Variants in ZEB1 observed in about 807,000 individuals in gnomAD.
ZEB1 encodes zinc finger E-box binding homeobox 1, also known as zinc finger E-box-binding homeobox 1.
In ZEB1, 21 loss-of-function variants were observed where a neutral mutation model predicts 84.9. The observed-to-expected ratio is 0.25, with a 90% CI of 0.18 to 0.36. The LOEUF (loss-of-function observed/expected upper bound fraction) is 0.36, where lower values mean the gene tolerates loss of function less well. Among genes scored for constraint, ZEB1 ranks in the 10% least tolerant of loss-of-function variants. The pLI is 1.00. For synonymous variants in ZEB1, 420 were observed against 471.1 expected (o/e 0.89, Z 1.41); for missense variants, 1,104 against 1,330.2 (o/e 0.83, Z 2.65).
chr10:31,387,747 C>T, intron 1 of ZEB1: 4 of 985,012 alleles, frequency 4.1e-6, no homozygotes, highest in Non-Finnish European at 4.8e-6. Context: ...ATTTTGTATT[C>T]TGTATTACAC....
rs1265978481 is a variant in ZEB1 at position 31,469,999 on chromosome 10, G to GGTCCTGTCT, written c.259+8765_259+8773dup. ...GTACTCCAACAGACCTACAGCTGAG[G>GGTCCTGTCT]GTCCTGTCTGTTAGAAGGAAAACTA... On this transcript the variant is annotated intron_variant, in intron 2 of 8. Coordinates refer to ENST00000424869, the MANE Select transcript of ZEB1 (RefSeq NM_001174096.2). Among the ~76,000 whole-genome samples the GGTCCTGTCT allele has an allele frequency of 9.9e-5, 15 of 152,142 alleles. No individual in the cohort carries two copies. The South Asian group carries it at 3.1e-3, about 32-fold the overall frequency.
chr10:31,447,399 A>G (rs1230753404), intron 1 of ZEB1, among the ~76,000 whole-genome samples: 3 of 127,862 alleles, frequency 2.3e-5, no homozygotes. Context: ...TAATTGGAGA[A>G]TTTAGTCCAT....
At chr10:31,453,310 C>G (rs760517664) in intron 1 of ZEB1, among the ~76,000 whole-genome samples, 1 of 152,156 alleles carries the variant, frequency 6.6e-6, no homozygotes, top group African/African-American at 2.4e-5. Context: ...CAAAGTTAAT[C>G]TTTTCCATCT....
chr10:31,510,125 T>C (rs1003885796), intron 4 of ZEB1, among the ~76,000 whole-genome samples: 3 of 152,166 alleles, frequency 2.0e-5, no homozygotes, highest in Non-Finnish European at 4.4e-5. Context: ...CTCAGTCCTA[T>C]GGCCACACCT....
At chr10:31,490,835 G>A (rs1050562185) in intron 2 of ZEB1, among the ~76,000 whole-genome samples, 2 of 151,630 alleles carry the variant, frequency 1.3e-5, no homozygotes, top group African/African-American at 2.4e-5. Flanking sequence ...AAATCCTATC[G>A]AGAATTTTGA....
Position 31,514,613 on chromosome 10 carries a change from C to T in ZEB1, c.698C>T (p.Thr233Met), listed in dbSNP as rs370082712. The T allele has an allele frequency of 8.2e-5, 132 of 1,612,282 alleles. 1 individual carries two copies. In the South Asian group the frequency reaches 9.2e-4, roughly 11 times the overall value. The change falls in exon 6 of 9, where the codon ACG becomes ATG. Residue 233 changes from threonine to methionine, a missense_variant. Physicochemically the swap from Thr to Met is moderately conservative, Grantham distance 81. This residue lies in a region of ZEB1 where 71 missense variants were observed against 119.1 expected (regional missense o/e 0.60). Coordinates refer to ENST00000424869, the MANE Select transcript of ZEB1 (RefSeq NM_001174096.2). ...GTTCTTTTCTTACAGAGACATGTGACGCAGTCTGGGTGTAATCGTAAATTC... is the reference window on the plus strand; with the variant it reads ...GTTCTTTTCTTACAGAGACATGTGATGCAGTCTGGGTGTAATCGTAAATTC... ...HKSGRDQRHV[T>M]QSGCNRKFKC...
At chr10:31,402,369 G>A (rs1339686641) in intron 1 of ZEB1, among the ~76,000 whole-genome samples, 2 of 151,860 alleles carry the variant, frequency 1.3e-5, no homozygotes, top group East Asian at 3.9e-4. Flanking sequence ...CTAAAGAATA[G>A]CGATCCTAGA....
chr10:31,452,258 A>T (rs1236543919), intron 1 of ZEB1, among the ~76,000 whole-genome samples: 1 of 152,102 alleles, frequency 6.6e-6, no homozygotes, highest in Non-Finnish European at 1.5e-5. Flanking sequence ...TTAAATTAAA[A>T]TTAGATAATA....
chr10:31,439,579 GC>G (rs1378695133), intron 1 of ZEB1, among the ~76,000 whole-genome samples: 2 of 151,986 alleles, frequency 1.3e-5, no homozygotes, highest in East Asian at 3.9e-4. Context: ...AATGGAACTT[GC>G]ATTGTAGTGT....
chr10:31,452,519 T>C (rs983507909), intron 1 of ZEB1, among the ~76,000 whole-genome samples: 1 of 152,140 alleles, frequency 6.6e-6, no homozygotes, highest in Non-Finnish European at 1.5e-5. Context: ...TGTACCTGTT[T>C]GCCTGGTCTG....
At chr10:31,373,068 G>A in intron 1 of ZEB1, 1 of 985,438 alleles carries the variant, frequency 1.0e-6, no homozygotes, top group Non-Finnish European at 1.2e-6. Flanking sequence ...CCCATCTGAA[G>A]ACATGATCAT....
intron 1 of ZEB1, among the ~76,000 whole-genome samples, chr10:31,379,234 G>C (rs2047208496): frequency 6.6e-6 from 1 of 152,022 alleles, no homozygotes; most frequent in Non-Finnish European, 1.5e-5. Flanking sequence ...GCATGCTTTT[G>C]TTGAGAAATG....
At chr10:31,410,273 G>A (rs556953631) in intron 1 of ZEB1, among the ~76,000 whole-genome samples, 5 of 152,204 alleles carry the variant, frequency 3.3e-5, no homozygotes, top group East Asian at 3.9e-4. Context: ...TAATTATGTC[G>A]TTTTTGTCAT....
chr10:31,432,586 G>A (rs901801205), intron 1 of ZEB1, among the ~76,000 whole-genome samples: 2 of 152,054 alleles, frequency 1.3e-5, no homozygotes, highest in East Asian at 3.9e-4. Flanking sequence ...GCAATACCCT[G>A]TCTCAATTTT....
At position 31,337,280 on chromosome 10, in the gene ZEB1, T is replaced by A. The variant is rs190367915; in HGVS notation, c.58+17988T>A. 1.5e-3 allele frequency among the ~76,000 whole-genome samples: 232 copies of A among 152,176 alleles called. 4 individuals carry two copies. The highest frequency in any genetic ancestry group is 1.3e-4 in the Non-Finnish European group (9 of 67,986). On this transcript the variant is annotated intron_variant, in intron 1 of 8. Transcript: ENST00000424869. ...AGGATACCAATACACATAATACAAG[T>A]CTATGATAAACATAAAATTTAGGAA...
chr10:31,524,820 A>G (rs2073108354), intron 8 of ZEB1, among the ~76,000 whole-genome samples: 1 of 152,202 alleles, frequency 6.6e-6, no homozygotes, highest in South Asian at 2.1e-4. Flanking sequence ...CTTCATAAGC[A>G]TGCGGCAAGC....
chr10:31,503,670 A>G (rs1327449485), intron 4 of ZEB1, among the ~76,000 whole-genome samples: 1 of 151,772 alleles, frequency 6.6e-6, no homozygotes, highest in East Asian at 1.9e-4. Flanking sequence ...GGCTGTCCTA[A>G]TTTTCATTCC....
chr10:31,520,296 G>A lies in ZEB1; in HGVS notation c.964G>A (p.Gly322Ser). Residue 322 changes from glycine (G) to serine (S), a missense_variant, in exon 7 of 9, where the codon GGC (glycine) becomes AGC (serine). Around this residue, in one of 7 missense-constraint regions of ZEB1, gnomAD observed 111 missense variants for 161.8 expected, o/e 0.69. Transcript: ENST00000424869. This position sits in a 1 kb window ranked among gnomAD's most constrained non-coding sequence, Gnocchi z 5.1. ...CSSPSLSASPGSPTRPQIRQK... is the reference protein window; with the variant it reads ...CSSPSLSASPSSPTRPQIRQK... ...TTCACCGTCTCTTTCAGCATCACCA[G>A]GCAGTCCCACACGACCACAGATACG... 1 of 1,613,788 alleles carries A rather than the reference G, an allele frequency of 6.2e-7. No homozygotes were observed. Among genetic ancestry groups the A allele is most frequent in the Non-Finnish European group, 8.5e-7 (1 of 1,179,884 alleles).
chr10:31,366,081 C>A (rs1359386280), intron 1 of ZEB1, among the ~76,000 whole-genome samples: 2 of 152,124 alleles, frequency 1.3e-5, no homozygotes, highest in Non-Finnish European at 2.9e-5. Flanking sequence ...CACTTTCCCG[C>A]TTTCAAGTCT....
Sources: allele counts gnomAD v4.1 joint callset (sites outside exome capture counted in the v4.1 genomes callset), GRCh38; gene constraint gnomAD v4.1.1; regional missense constraint gnomAD v4.1.1; non-coding constraint Gnocchi (gnomAD v3.1); transcripts MANE v1.5; gene names NCBI Gene and HGNC (gene_info 2026-07-23, HGNC 2026-07-21).